Variants in GALNT10 observed in about 807,000 individuals in gnomAD.
The protein encoded by GALNT10 is polypeptide N-acetylgalactosaminyltransferase 10.
Under a neutral mutation model 75.0 loss-of-function variants are expected in GALNT10, and 41 were observed. The observed-to-expected ratio is 0.55, with a 90% confidence interval of 0.43 to 0.71. The LOEUF is 0.71. GALNT10 is among the 30% of genes least tolerant of loss of function. GALNT10 has a pLI of 0.00. For synonymous variants in GALNT10, 302 were observed against 313.0 expected, an observed-to-expected ratio of 0.96 and a Z score of 0.37; for missense variants, 727 against 818.5, an observed-to-expected ratio of 0.89 and a Z score of 1.36.
At chr5:154,264,115 C>T (rs1312677883) in intron 1 of GALNT10, among the ~76,000 whole-genome samples, 1 of 152,096 alleles carries the variant, frequency 6.6e-6, no homozygotes, top group East Asian at 1.9e-4. Context: ...GAGTTGGAGA[C>T]CAGCCTGGCC....
intron 3 of GALNT10, among the ~76,000 whole-genome samples, chr5:154,306,340 A>G (rs1754432772): frequency 6.6e-6 from 1 of 152,362 alleles, no homozygotes; most frequent in South Asian, 2.1e-4. Flanking sequence ...TCTAACCACA[A>G]TGAAATTAAA....
intron 8 of GALNT10, among the ~76,000 whole-genome samples, chr5:154,405,631 G>A (rs930026306): frequency 1.3e-5 from 2 of 152,088 alleles, no homozygotes; most frequent in Admixed American, 1.3e-4. Flanking sequence ...TCCAGACCAG[G>A]AGCAACCCTA....
chr5:154,330,927 GTGTGTGTGTGTT>G (rs149457229), intron 4 of GALNT10, among the ~76,000 whole-genome samples: 71,438 of 148,552 alleles, frequency 0.48, 19,102 homozygotes, highest in Admixed American at 0.64. Flanking sequence ...GTGTGTGTGT[GTGTGTGTGTGTT>G]TGTGTGTGTG....
chr5:154,362,790 C>G (rs552197082), intron 4 of GALNT10, among the ~76,000 whole-genome samples: 23 of 152,306 alleles, frequency 1.5e-4, no homozygotes, highest in Admixed American at 3.3e-4. Context: ...TGAGCTATCC[C>G]ATTCTTTTGT....
At chr5:154,212,020 G>A (rs937597093) in intron 1 of GALNT10, among the ~76,000 whole-genome samples, 2 of 152,212 alleles carry the variant, frequency 1.3e-5, no homozygotes, top group African/African-American at 4.8e-5. Flanking sequence ...AGGGAGGAAT[G>A]TGGAAGAAGT....
At chr5:154,294,061 T>C (rs6580068) in intron 1 of GALNT10, among the ~76,000 whole-genome samples, 116,136 of 152,128 alleles carry the variant, frequency 0.76, 44,472 homozygotes, top group Admixed American at 0.84. Context: ...GAATGTAGGT[T>C]GGACATGGTG....
chr5:154,410,994 C>A (rs979706340), intron 9 of GALNT10, among the ~76,000 whole-genome samples: 3 of 152,206 alleles, frequency 2.0e-5, no homozygotes, highest in African/African-American at 7.2e-5. Flanking sequence ...CCATGCTGGC[C>A]GAGGCAGACC....
chr5:154,350,603 A>C (rs963499225), intron 4 of GALNT10, among the ~76,000 whole-genome samples: 3 of 152,184 alleles, frequency 2.0e-5, no homozygotes, highest in Admixed American at 6.5e-5. Context: ...AAAAGTTAAC[A>C]ACAAGCTGGA....
At chr5:154,241,457 A>C (rs551951979) in intron 1 of GALNT10, among the ~76,000 whole-genome samples, 1 of 152,354 alleles carries the variant, frequency 6.6e-6, no homozygotes, top group South Asian at 2.1e-4. Flanking sequence ...GTTGCATTGC[A>C]TATATCTGTT....
intron 1 of GALNT10, among the ~76,000 whole-genome samples, chr5:154,248,941 T>C (rs566190750): frequency 6.6e-6 from 1 of 152,230 alleles, no homozygotes; most frequent in Non-Finnish European, 1.5e-5. Flanking sequence ...AGGCTCCAGA[T>C]AAGTTGCTGG....
At chr5:154,263,565 A>G (rs1753732830) in intron 1 of GALNT10, among the ~76,000 whole-genome samples, 1 of 152,186 alleles carries the variant, frequency 6.6e-6, no homozygotes, top group Non-Finnish European at 1.5e-5. Context: ...CAAACTAGAT[A>G]GCTTATAAAC....
At chr5:154,334,320 T>C (rs770647951) in intron 4 of GALNT10, among the ~76,000 whole-genome samples, 1 of 152,234 alleles carries the variant, frequency 6.6e-6, no homozygotes, top group Non-Finnish European at 1.5e-5. Context: ...CTGGCCCTGC[T>C]TACAAATAGA....
chr5:154,253,791 C>T (rs1433966686), intron 1 of GALNT10, among the ~76,000 whole-genome samples: 2 of 139,920 alleles, frequency 1.4e-5, no homozygotes, highest in African/African-American at 5.3e-5. Flanking sequence ...GTGTTTCTCT[C>T]TCCTACTTTT....
intron 1 of GALNT10, among the ~76,000 whole-genome samples, chr5:154,269,438 A>G (rs190634376): frequency 6.8e-4 from 104 of 152,330 alleles, no homozygotes; most frequent in Admixed American, 1.5e-3. Flanking sequence ...TCTATAATAT[A>G]CTAGAACCAC....
chr5:154,404,147 G>A lies in GALNT10; in HGVS notation c.1100G>A (p.Arg367Lys). The change falls in exon 8 of 12, where the codon AGG becomes AAG. Residue 367 changes from arginine (R) to lysine (K), a missense_variant. By Grantham distance (26) the Arg-to-Lys change is conservative. Coordinates refer to ENST00000297107, the MANE Select transcript of GALNT10 (RefSeq NM_198321.4). ...CGCATGGAGGACATCCCCTGCTCCA[G>A]GGTGGGCCATATCTACAGGAAGTAT... ...GGRMEDIPCS[R>K]VGHIYRKYVP... The A allele has an allele frequency of 1.2e-6, 2 of 1,613,808 alleles. No individual in the cohort carries two copies. Among genetic ancestry groups the A allele is most frequent in the Non-Finnish European group, 1.7e-6 (2 of 1,179,808 alleles).
At chr5:154,256,027 G>C (rs1369354948) in intron 1 of GALNT10, among the ~76,000 whole-genome samples, 1 of 152,076 alleles carries the variant, frequency 6.6e-6, no homozygotes, top group Non-Finnish European at 1.5e-5. Flanking sequence ...CTCTAGAGTG[G>C]GGAGGTTGAC....
At chr5:154,330,093 C>T (rs1283143381) in intron 4 of GALNT10, 1 of 164,034 alleles carries the variant, frequency 6.1e-6, no homozygotes, top group Non-Finnish European at 1.3e-5. Context: ...CAACTGGCTG[C>T]TCAGCGCTGT....
chr5:154,412,263 C>T lies in GALNT10; in HGVS notation c.1387-626C>T, dbSNP rs1322246187. Reference sequence around the variant, plus strand: ...CACAATGGCCTGCCCACAGTAAGTGCCCAATCGGTATTTGTTGGCTAAGCA... The same window carrying T: ...CACAATGGCCTGCCCACAGTAAGTGTCCAATCGGTATTTGTTGGCTAAGCA... On this transcript the variant is annotated intron_variant, in intron 9 of 11. Coordinates refer to ENST00000297107, the MANE Select transcript of GALNT10 (RefSeq NM_198321.4). This position sits in a 1 kb window ranked among gnomAD's most constrained non-coding sequence, Gnocchi z 4.2. Among the ~76,000 whole-genome samples the T allele has an allele frequency of 1.3e-5, 2 of 152,206 alleles. No homozygotes were observed. The highest frequency in any genetic ancestry group is 2.9e-5 in the Non-Finnish European group (2 of 68,028).
chr5:154,361,557 T>C (rs1344232992), intron 4 of GALNT10, among the ~76,000 whole-genome samples: 3 of 152,230 alleles, frequency 2.0e-5, no homozygotes, highest in African/African-American at 4.8e-5. Flanking sequence ...TCGGCTCATA[T>C]CATCCCTGAA....
Sources: allele counts gnomAD v4.1 joint callset (sites outside exome capture counted in the v4.1 genomes callset), GRCh38; gene constraint gnomAD v4.1.1; non-coding constraint Gnocchi (gnomAD v3.1); transcripts MANE v1.5; gene names NCBI Gene and HGNC (gene_info 2026-07-23, HGNC 2026-07-21).